The following MAP7 variants were observed in gnomAD, a reference collection of about 807,000 sequenced individuals.
MAP7 encodes the protein microtubule associated protein 7, also known as ensconsin.
MAP7 carries 52 observed loss-of-function variants against 94.8 expected under a neutral mutation model. The ratio of observed to expected loss-of-function variants is 0.55; its 90% CI spans 0.44 to 0.69. The LOEUF (loss-of-function observed/expected upper bound fraction) is 0.69, where lower values mean the gene tolerates loss of function less well. Ranked by LOEUF, MAP7 falls within the 30% of genes least tolerant of loss-of-function variation. The pLI is 0.00. For synonymous variants in MAP7, 350 were observed against 357.0 expected (o/e 0.98, Z 0.22); for missense variants, 940 against 964.6 (o/e 0.97, Z 0.34).
chr6:136,525,145 G>A (rs965822975), intron 1 of MAP7, among the ~76,000 whole-genome samples: 8 of 152,206 alleles, frequency 5.3e-5, no homozygotes, highest in African/African-American at 1.9e-4. Context: ...GTAAGCTGCT[G>A]CTACCTTTCA....
In MAP7 at chr6:136,550,132, C is replaced by A. The variant is rs1199011326; in HGVS notation, c.67+210G>T. 6.6e-6 allele frequency among the ~76,000 whole-genome samples: 1 copy of A among 150,852 alleles called. No homozygotes were observed. Among genetic ancestry groups the A allele is most frequent in the Non-Finnish European group, 1.5e-5 (1 of 67,502 alleles). On this transcript the variant is annotated intron_variant, in intron 1 of 17. Transcript: ENST00000354570. This position sits in a 1 kb window ranked among gnomAD's most constrained non-coding sequence, Gnocchi z 5.1. ...AGGGCGGCCGCAACCCCGGCCGGGGCCGAGCCGGGCTGGCCGAGCCGCGGC... is the reference window on the plus strand; with the variant it reads ...AGGGCGGCCGCAACCCCGGCCGGGGACGAGCCGGGCTGGCCGAGCCGCGGC...
chr6:136,401,803 G>C (rs1000537043), intron 3 of MAP7, among the ~76,000 whole-genome samples: 3 of 151,116 alleles, frequency 2.0e-5, no homozygotes, highest in African/African-American at 7.3e-5. Context: ...AAGAAACCCT[G>C]TCTCTAATGT....
intron 1 of MAP7, among the ~76,000 whole-genome samples, chr6:136,463,737 T>G (rs1326814023): frequency 1.3e-5 from 2 of 152,166 alleles, no homozygotes; most frequent in Non-Finnish European, 2.9e-5. Flanking sequence ...AGGAGGAGAC[T>G]GAGGCTCAGG....
intron 1 of MAP7, among the ~76,000 whole-genome samples, chr6:136,471,919 A>G (rs1195521556): frequency 6.6e-6 from 1 of 152,148 alleles, no homozygotes; most frequent in African/African-American, 2.4e-5. Flanking sequence ...TGGTTTAGGG[A>G]TAATTACAAT....
chr6:136,505,358 C>T (rs903838661), intron 1 of MAP7, among the ~76,000 whole-genome samples: 1 of 143,558 alleles, frequency 7.0e-6, no homozygotes, highest in African/African-American at 2.6e-5. Context: ...TTCTCCCCCT[C>T]GGGAGGGAGA....
chr6:136,454,404 T>G (rs1286491553), intron 1 of MAP7, among the ~76,000 whole-genome samples: 1 of 151,962 alleles, frequency 6.6e-6, no homozygotes, highest in East Asian at 2.0e-4. Context: ...CCGCCTGGGC[T>G]CAAGCGATCC....
chr6:136,448,436 G>A lies in MAP7; in HGVS notation c.68-26637C>T, dbSNP rs572983260. Among the ~76,000 whole-genome samples the A allele has an allele frequency of 8.7e-5, 13 of 149,630 alleles. 1 individual carries two copies. In the South Asian group the frequency reaches 2.5e-3, roughly 29 times the overall value. On this transcript the variant is annotated intron_variant, in intron 1 of 17. Coordinates refer to ENST00000354570, the MANE Select transcript of MAP7 (RefSeq NM_003980.6). ...TACGATTTTTTTTTTTTTTTAAGACGGAGTTTTTGCTCTTATCGTCCAGGC... is the reference window on the plus strand; with the variant it reads ...TACGATTTTTTTTTTTTTTTAAGACAGAGTTTTTGCTCTTATCGTCCAGGC...
At chr6:136,483,941 A>G (rs1813770616) in intron 1 of MAP7, among the ~76,000 whole-genome samples, 1 of 152,252 alleles carries the variant, frequency 6.6e-6, no homozygotes, top group African/African-American at 2.4e-5. Flanking sequence ...CTGGCCAGAA[A>G]TAAATATGAA....
chr6:136,383,891 A>G (rs1778469198), intron 5 of MAP7, 110 bp from the exon 6 acceptor site: 1 of 677,918 alleles, frequency 1.5e-6, no homozygotes, highest in African/African-American at 1.9e-5. Context: ...CTCTATTTCT[A>G]GATCTGTCAT....
Position 136,342,743 on chromosome 6 carries a change from G to C in MAP7, c.*1485C>G, listed in dbSNP as rs1267316554. 1 of 152,146 alleles carries C rather than the reference G, an allele frequency of 6.6e-6. No individual in the cohort carries two copies. Among genetic ancestry groups the C allele is most frequent in the Non-Finnish European group, 1.5e-5 (1 of 68,016 alleles). The allele number at this position is 152,146 out of a possible 1,614,324, so 9.4% of individuals were successfully genotyped here. A position where few individuals can be genotyped will look rare whatever the true frequency, so the allele number is the denominator to read the frequency against. The stretch of plus-strand genomic sequence containing the variant: ...ATGAGAAAGCTAAAAGTAAAACTAT[G>C]TCAAACATTTTATTTGGTGTTTCAT... On this transcript the variant is annotated 3_prime_UTR_variant, in exon 18 of 18. Coordinates refer to ENST00000354570, the MANE Select transcript of MAP7 (RefSeq NM_003980.6).
rs772673462 is a variant in MAP7 at position 136,389,336 on chromosome 6, T to C, written c.408+18A>G. ...GAACTAGAGGAGCCACTCATATTCT[T>C]CCCGGGGGGCGGCTCACTTTGTCCT... is the stretch of plus-strand genomic sequence containing the variant. On this transcript the variant is annotated intron_variant, in intron 4 of 17. Coordinates refer to ENST00000354570, the MANE Select transcript of MAP7 (RefSeq NM_003980.6). The C allele has an allele frequency of 5.3e-6, 8 of 1,520,540 alleles. No individual in the cohort carries two copies. The Admixed American group carries it at 9.2e-5, about 18-fold the overall frequency. The allele number at this position is 1,520,540 out of a possible 1,614,324, so 94.2% of individuals were successfully genotyped here.
At chr6:136,368,142 AGAG>A (rs1468173874) in intron 8 of MAP7, among the ~76,000 whole-genome samples, 1 of 152,118 alleles carries the variant, frequency 6.6e-6, no homozygotes, top group Non-Finnish European at 1.5e-5. Flanking sequence ...GTAGGTGAGC[AGAG>A]GAGGAATGGT....
chr6:136,348,181 A>G (rs1345173135), intron 16 of MAP7, among the ~76,000 whole-genome samples: 1 of 152,184 alleles, frequency 6.6e-6, no homozygotes, highest in African/African-American at 2.4e-5. Context: ...AGTCCTGGCA[A>G]AGGATAAAGA....
intron 16 of MAP7, among the ~76,000 whole-genome samples, chr6:136,354,123 T>TTATA (rs3040698): frequency 5.6e-5 from 8 of 142,176 alleles, no homozygotes; most frequent in African/African-American, 2.1e-4. Flanking sequence ...TATATATATA[T>TTATA]TATATATATA....
rs374216416 is a variant in MAP7, at chr6:136,530,675, G to C, written c.67+19667C>G. Among the ~76,000 whole-genome samples, 9 of 145,068 alleles carry C rather than the reference G, an allele frequency of 6.2e-5. 1 individual carries two copies. Among genetic ancestry groups the C allele is most frequent in the African/African-American group, 2.6e-4 (9 of 35,062 alleles). On this transcript the variant is annotated intron_variant, in intron 1 of 17. Coordinates refer to ENST00000354570, the MANE Select transcript of MAP7 (RefSeq NM_003980.6). The stretch of plus-strand genomic sequence containing the variant: ...TGTGACGATAAAGGCACAACATTCT[G>C]CCATCTTGCAGCATCATGCATAGCA...
chr6:136,526,196 T>G, intron 1 of MAP7: 1 of 1,068,304 alleles, frequency 9.4e-7, no homozygotes, highest in Non-Finnish European at 1.2e-6. Context: ...CCACCTCCCC[T>G]ACCAGCCCCC....
intron 2 of MAP7, among the ~76,000 whole-genome samples, chr6:136,418,379 TA>T (rs1266373112): frequency 2.0e-5 from 3 of 152,192 alleles, no homozygotes; most frequent in Admixed American, 2.0e-4. Context: ...CATGCCTGGC[TA>T]ATTTTTGTAT....
At chr6:136,349,295 T>C (rs577470561) in intron 16 of MAP7, among the ~76,000 whole-genome samples, 25 of 152,352 alleles carry the variant, frequency 1.6e-4, no homozygotes, top group Admixed American at 1.2e-3. Context: ...AAGTATTTTA[T>C]AAACGTCGTA....
chr6:136,492,864 C>T (rs1247328630), intron 1 of MAP7, among the ~76,000 whole-genome samples: 1 of 152,036 alleles, frequency 6.6e-6, no homozygotes, highest in African/African-American at 2.4e-5. Context: ...TACTTAATGT[C>T]TGTCTACTTG....
Sources: allele counts gnomAD v4.1 joint callset (sites outside exome capture counted in the v4.1 genomes callset), GRCh38; gene constraint gnomAD v4.1.1; non-coding constraint Gnocchi (gnomAD v3.1); transcripts MANE v1.5; gene names NCBI Gene and HGNC (gene_info 2026-07-23, HGNC 2026-07-21).